Variants in GALNT9 observed in about 807,000 individuals in gnomAD.
The protein encoded by GALNT9 is GalNAc transferase 9.
In GALNT9, 47 loss-of-function variants were observed where a neutral mutation model predicts 63.1. The observed-to-expected ratio is 0.75, with a 90% CI of 0.59 to 0.95. The LOEUF is 0.95. Ranked by LOEUF, GALNT9 falls within the 40% of genes least tolerant of loss-of-function variation. The pLI is 0.00. For synonymous variants in GALNT9, 396 were observed against 365.7 expected (o/e 1.08, Z -0.94); for missense variants, 829 against 874.8 (o/e 0.95, Z 0.66).
At position 132,199,198 on chromosome 12, in the gene GALNT9, G is replaced by A. The variant is rs756480646; in HGVS notation, c.1473C>T (p.Tyr491=). ...CCTGGGAGGACATCCCGTGGCAGGG[G>A]TAGAGGATCGCCCGGTCGCCGTCCT... ...GAEDGDRAIL[Y]PCHGMSSQLV... The change falls in exon 9 of 11, where the codon TAC becomes TAT. Residue 491 remains tyrosine, a synonymous_variant. Transcript: ENST00000328957. 46 of 1,603,056 alleles carry A rather than the reference G, an allele frequency of 2.9e-5. No homozygotes were observed. The South Asian group carries it at 4.3e-4, about 15-fold the overall frequency.
intron 6 of GALNT9, chr12:132,240,643 C>T (rs1293658617): frequency 4.5e-6 from 2 of 449,376 alleles, no homozygotes; most frequent in African/African-American, 2.1e-5. Flanking sequence ...GGCCTCGGAC[C>T]TGCTCCTCTT....
intron 2 of GALNT9, chr12:132,278,324 G>A (rs1490113487): frequency 1.3e-5 from 2 of 152,232 alleles, no homozygotes; most frequent in Non-Finnish European, 2.9e-5. Flanking sequence ...AAAATAATCA[G>A]GCATCAAACA....
intron 6 of GALNT9, among the ~76,000 whole-genome samples, chr12:132,216,411 A>G (rs760437224): frequency 1.3e-5 from 2 of 152,228 alleles, no homozygotes; most frequent in African/African-American, 4.8e-5. Context: ...CCTGGAGACC[A>G]GCACCAAGCA....
intron 2 of GALNT9, among the ~76,000 whole-genome samples, chr12:132,285,871 GAGA>G (rs1316542839): frequency 5.3e-5 from 8 of 152,192 alleles, no homozygotes; most frequent in African/African-American, 9.7e-5. Flanking sequence ...GAGAGATTGA[GAGA>G]AGGAGAGAGG....
intron 2 of GALNT9, among the ~76,000 whole-genome samples, chr12:132,267,190 T>C (rs28589701): frequency 0.12 from 17,634 of 151,028 alleles, 3,400 homozygotes; most frequent in African/African-American, 0.4. Context: ...GGCTGGGGAA[T>C]GAGGGCAGGG....
At chr12:132,199,549 G>A (rs1399855570) in intron 8 of GALNT9, among the ~76,000 whole-genome samples, 1 of 152,170 alleles carries the variant, frequency 6.6e-6, no homozygotes, top group African/African-American at 2.4e-5. Context: ...CCAGGCTGTG[G>A]AGTGGCTTCC....
intron 2 of GALNT9, among the ~76,000 whole-genome samples, chr12:132,264,950 G>A (rs1180786744): frequency 6.6e-6 from 1 of 152,172 alleles, no homozygotes; most frequent in African/African-American, 2.4e-5. Flanking sequence ...GGCACAATGA[G>A]GATCCCAACC....
intron 1 of GALNT9, among the ~76,000 whole-genome samples, chr12:132,289,178 T>G (rs782101885): frequency 7.2e-5 from 11 of 152,216 alleles, no homozygotes; most frequent in Non-Finnish European, 1.5e-4. Context: ...TATTCCCATC[T>G]GCCATCCCTG....
intron 1 of GALNT9, among the ~76,000 whole-genome samples, chr12:132,317,749 C>T (rs2135588981): frequency 6.6e-6 from 1 of 152,316 alleles, no homozygotes; most frequent in East Asian, 1.9e-4. Flanking sequence ...CCCTCCAGCC[C>T]CGGGGCCCAG....
intron 2 of GALNT9, chr12:132,275,576 C>G (rs1253988586): frequency 6.6e-6 from 1 of 152,278 alleles, no homozygotes; most frequent in Non-Finnish European, 1.5e-5. Context: ...TTCCCTCCCT[C>G]CCTCCTTCTC....
At position 132,286,399 on chromosome 12, in the gene GALNT9, C is replaced by T. The variant is rs1239016239; in HGVS notation, c.270G>A (p.Gly90=). Residue 90 remains glycine (G), a synonymous_variant, in exon 2 of 11, where the codon GGG becomes GGA. Coordinates refer to ENST00000328957, the MANE Select transcript of GALNT9 (RefSeq NM_001122636.2). This position sits in a 1 kb window ranked among gnomAD's most constrained non-coding sequence, Gnocchi z 7.4. ...AGCCACCCTGGCCCAGGCCTCCTGGCCCCTCCACCAGGCCGATGGGCTTGG... is the reference window on the plus strand; with the variant it reads ...AGCCACCCTGGCCCAGGCCTCCTGGTCCCTCCACCAGGCCGATGGGCTTGG... The part of the protein sequence containing the change: ...GLAKPIGLVE[G]PGGLGQGGLA... 18 of 1,550,458 alleles carry T rather than the reference C, an allele frequency of 1.2e-5. No individual in the cohort carries two copies. In the Admixed American group the frequency reaches 3.3e-4, roughly 29 times the overall value.
chr12:132,199,854 G>A (rs973808892), intron 8 of GALNT9, among the ~76,000 whole-genome samples: 8 of 152,174 alleles, frequency 5.3e-5, no homozygotes, highest in African/African-American at 9.7e-5. Context: ...TCGTGAGCAA[G>A]TGTAGATGCT....
Position 132,219,824 on chromosome 12 carries a change from T to A in GALNT9, c.1078-16134A>T, listed in dbSNP as rs11247015. Among the ~76,000 whole-genome samples, 105 of 75,182 alleles carry A rather than the reference T, an allele frequency of 1.4e-3. 2 individuals carry two copies. The highest frequency in any genetic ancestry group is 4.8e-3 in the African/African-American group (78 of 16,378). The allele number at this position is 75,182 out of a possible 152,430, so 49.3% of individuals were successfully genotyped here. A position where few individuals can be genotyped will look rare whatever the true frequency, so the allele number is the denominator to read the frequency against. Reference sequence around the variant, plus strand: ...CTCCCCAGGGTGACACCCGCCCGGGTAAGGGGAAGGGGCACCTCCCCAGGG... The same window carrying A: ...CTCCCCAGGGTGACACCCGCCCGGGAAAGGGGAAGGGGCACCTCCCCAGGG... On this transcript the variant is annotated intron_variant, in intron 6 of 10. Transcript: ENST00000328957.
chr12:132,256,027 G>A (rs774376353), intron 5 of GALNT9, among the ~76,000 whole-genome samples: 2 of 152,102 alleles, frequency 1.3e-5, no homozygotes, highest in African/African-American at 2.4e-5. Flanking sequence ...ATGAACCACC[G>A]CACCTGCCTT....
chr12:132,317,476 G>C (rs782618383), intron 1 of GALNT9, among the ~76,000 whole-genome samples: 1 of 152,166 alleles, frequency 6.6e-6, no homozygotes, highest in Non-Finnish European at 1.5e-5. Flanking sequence ...TCCTCTCCAG[G>C]GCCACCTCAC....
At chr12:132,264,259 G>A (rs1011383956) in intron 2 of GALNT9, among the ~76,000 whole-genome samples, 2 of 152,218 alleles carry the variant, frequency 1.3e-5, no homozygotes, top group East Asian at 1.9e-4. Flanking sequence ...AGAGGCCCCC[G>A]GGACGCTGGC....
intron 1 of GALNT9, among the ~76,000 whole-genome samples, chr12:132,311,976 G>C (rs1176509354): frequency 6.6e-6 from 1 of 152,192 alleles, no homozygotes; most frequent in Non-Finnish European, 1.5e-5. Context: ...AAAAAAGAGA[G>C]ACCCTGGTTT....
At chr12:132,230,573 C>T (rs1160311635) in intron 6 of GALNT9, among the ~76,000 whole-genome samples, 2 of 148,848 alleles carry the variant, frequency 1.3e-5, no homozygotes, top group Non-Finnish European at 3.0e-5. Context: ...AATCTGTCCA[C>T]TGCCAAGGCC....
chr12:132,314,752 G>A (rs148724955), intron 1 of GALNT9, among the ~76,000 whole-genome samples: 2 of 152,286 alleles, frequency 1.3e-5, no homozygotes, highest in Admixed American at 6.5e-5. Context: ...GCAGTCATTC[G>A]GTGAATGAAG....
Sources: gnomAD v4.1 joint callset for allele counts (sites outside exome capture counted in the v4.1 genomes callset) on GRCh38, gnomAD v4.1.1 for gene constraint, Gnocchi (gnomAD v3.1) non-coding constraint, MANE v1.5 for transcripts, NCBI Gene and HGNC (gene_info 2026-07-23, HGNC 2026-07-21) for gene names.